AKNAD1: variants seen among roughly 807,000 people sequenced by gnomAD.
The protein encoded by AKNAD1 is AKNA domain containing 1.
A neutral mutation model predicts 90.8 loss-of-function variants in AKNAD1; 67 were observed. That is an observed-to-expected ratio of 0.74 (90% CI 0.61 to 0.90). The LOEUF is 0.90. Ranked by LOEUF, AKNAD1 falls within the 40% of genes least tolerant of loss-of-function variation. The pLI, the probability that AKNAD1 is intolerant of heterozygous loss-of-function variation, is 0.00. For missense variants in AKNAD1, 957 were observed against 975.4 expected (o/e 0.98, Z 0.25); for synonymous variants, 327 against 341.4 (o/e 0.96, Z 0.46).
intron 14 of AKNAD1, among the ~76,000 whole-genome samples, chr1:108,819,937 A>AT (rs1367615085): frequency 4.0e-5 from 6 of 150,614 alleles, no homozygotes; most frequent in African/African-American, 1.5e-4. Flanking sequence ...AAAAAAAAAA[A>AT]AATACCCTAA....
intron 10 of AKNAD1, 79 bp downstream of exon 10, chr1:108,830,480 G>T: frequency 7.3e-7 from 1 of 1,373,268 alleles, no homozygotes; most frequent in Non-Finnish European, 1.0e-6. Flanking sequence ...TCAGTTAGTT[G>T]CCGCCCACTC....
intron 11 of AKNAD1, among the ~76,000 whole-genome samples, chr1:108,826,721 T>TTTTTC (rs1237087861): frequency 2.7e-5 from 4 of 147,984 alleles, no homozygotes; most frequent in Non-Finnish European, 5.9e-5. Context: ...AGTGATTCTT[T>TTTTTC]TTTTCTTTTC....
rs760655164 is a variant in AKNAD1 at position 108,843,160 on chromosome 1, T to G, written c.1353A>C (p.Thr451=). 6.2e-7 allele frequency: 1 copy of G among 1,614,172 alleles called. No homozygotes were observed. Among genetic ancestry groups the G allele is most frequent in the Non-Finnish European group, 8.5e-7 (1 of 1,180,020 alleles). ...TTTCTGGATCAAAGTCACCAACGAT[T>G]GTTGATTCGTGCTTGTGGACTTGCT... ...LQQQVHKHES[T]IVGDFDPERK... The change falls in exon 6 of 16, where the codon ACA becomes ACC. Residue 451 remains threonine, a synonymous_variant. Coordinates refer to ENST00000370001, the MANE Select transcript of AKNAD1 (RefSeq NM_152763.5).
chr1:108,847,212 C>T (rs868382274), intron 5 of AKNAD1, among the ~76,000 whole-genome samples: 6 of 151,952 alleles, frequency 3.9e-5, no homozygotes, highest in East Asian at 1.9e-4. Context: ...TTTGGGAGAC[C>T]GAGGCAGGTG....
At chr1:108,851,150 G>T (rs1344279845) in intron 2 of AKNAD1, among the ~76,000 whole-genome samples, 4 of 152,182 alleles carry the variant, frequency 2.6e-5, no homozygotes, top group Non-Finnish European at 4.4e-5. Flanking sequence ...GGAAGCAGAT[G>T]CTTCTGCTAT....
At position 108,834,552 on chromosome 1, in the gene AKNAD1, G is replaced by A. The variant is rs757060796; in HGVS notation, c.1665-24C>T. 2.6e-6 allele frequency: 4 copies of A among 1,513,658 alleles called. No homozygotes were observed. In the East Asian group the frequency reaches 6.9e-5, roughly 26 times the overall value. The allele number at this position is 1,513,658 out of a possible 1,614,324, so 93.8% of individuals were successfully genotyped here. A position where few individuals can be genotyped will look rare whatever the true frequency, so the allele number is the denominator to read the frequency against. ...AACTAATTTAAAAAAAAAAAAAGCA[G>A]TTTGAATGTTAGAATCAGTTCTTGA... On this transcript the variant is annotated intron_variant, in intron 8 of 15. Transcript: ENST00000370001.
At chr1:108,818,980 A>AAAAAT (rs1413258748) in intron 14 of AKNAD1, among the ~76,000 whole-genome samples, 32 of 151,572 alleles carry the variant, frequency 2.1e-4, no homozygotes, top group African/African-American at 7.3e-4. Flanking sequence ...AAAAAAAAAA[A>AAAAAT]ACCAAGAAGT....
chr1:108,832,472 G>T (rs1454859136), intron 9 of AKNAD1, among the ~76,000 whole-genome samples: 1 of 151,766 alleles, frequency 6.6e-6, no homozygotes, highest in Non-Finnish European at 1.5e-5. Context: ...TGATCCACCC[G>T]CCTTGGCCTA....
chr1:108,832,311 C>T (rs1013794900), intron 9 of AKNAD1, among the ~76,000 whole-genome samples: 3 of 150,970 alleles, frequency 2.0e-5, no homozygotes, highest in African/African-American at 7.3e-5. Flanking sequence ...CACCTCCCTC[C>T]CAATTTCAAG....
At chr1:108,837,294 C>A (rs1218558529) in intron 7 of AKNAD1, 3 of 356,920 alleles carry the variant, frequency 8.4e-6, no homozygotes, top group Non-Finnish European at 1.0e-5. Flanking sequence ...AGAAATAGCT[C>A]TTCGGTGGTT....
intron 8 of AKNAD1, 48 bp downstream of exon 8, chr1:108,834,881 C>A (rs1173072125): frequency 1.1e-5 from 16 of 1,497,328 alleles, no homozygotes; most frequent in Non-Finnish European, 1.4e-5. Context: ...GAGGAAGGGG[C>A]CTCTTTCTGT....
intron 2 of AKNAD1, among the ~76,000 whole-genome samples, chr1:108,850,155 CCA>C (rs1190496657): frequency 6.6e-6 from 1 of 152,168 alleles, no homozygotes; most frequent in Non-Finnish European, 1.5e-5. Flanking sequence ...AGTTTAAATT[CCA>C]GAGTGATTCA....
chr1:108,836,864 T>C (rs1186032925), intron 7 of AKNAD1: 1 of 152,218 alleles, frequency 6.6e-6, no homozygotes, highest in Non-Finnish European at 1.5e-5. Context: ...CTTGCATAAG[T>C]AGAAATCCAA....
intron 7 of AKNAD1, among the ~76,000 whole-genome samples, chr1:108,835,519 G>A (rs576630959): frequency 6.6e-6 from 1 of 152,282 alleles, no homozygotes; most frequent in African/African-American, 2.4e-5. Context: ...ACTAATAAGT[G>A]ACAGAGCCAG....
In AKNAD1 at chr1:108,815,999, T is replaced by C; in HGVS notation, c.*172A>G. 2.0e-6 allele frequency: 1 copy of C among 500,956 alleles called. No homozygotes were observed. Among genetic ancestry groups the C allele is most frequent in the Non-Finnish European group, 3.2e-6 (1 of 317,350 alleles). The allele number at this position is 500,956 out of a possible 1,614,324, so 31.0% of individuals were successfully genotyped here. A position where few individuals can be genotyped will look rare whatever the true frequency, so the allele number is the denominator to read the frequency against. On this transcript the variant is annotated 3_prime_UTR_variant, in exon 16 of 16. Transcript: ENST00000370001. ...TTTTGATTTTAAGAATCAGAAGTCCTTTCTTTTTTCTTTTTCCTTTAAGTA... is the reference window on the plus strand; with the variant it reads ...TTTTGATTTTAAGAATCAGAAGTCCCTTCTTTTTTCTTTTTCCTTTAAGTA...
At chr1:108,832,872 G>A (rs1055491407) in intron 9 of AKNAD1, among the ~76,000 whole-genome samples, 7 of 152,098 alleles carry the variant, frequency 4.6e-5, no homozygotes, top group Admixed American at 6.5e-5. Context: ...ACATTCCCAC[G>A]CACTGCCCTC....
intron 5 of AKNAD1, among the ~76,000 whole-genome samples, chr1:108,845,764 T>C (rs965110693): frequency 3.3e-5 from 5 of 152,106 alleles, no homozygotes; most frequent in Admixed American, 6.6e-5. Flanking sequence ...AAGATATTGA[T>C]GTTGGACAAG....
At chr1:108,820,241 A>G (rs1663769107) in intron 14 of AKNAD1, among the ~76,000 whole-genome samples, 1 of 152,190 alleles carries the variant, frequency 6.6e-6, no homozygotes, top group South Asian at 2.1e-4. Flanking sequence ...GATCAATGGG[A>G]CTTTGTACGT....
Position 108,852,014 on chromosome 1 carries a change from T to A in AKNAD1, c.651A>T (p.Lys217Asn). 2 of 1,614,020 alleles carry A rather than the reference T, an allele frequency of 1.2e-6. No individual in the cohort carries two copies. Among genetic ancestry groups the A allele is most frequent in the Non-Finnish European group, 1.7e-6 (2 of 1,180,008 alleles). Residue 217 changes from lysine to asparagine, a missense_variant, in exon 2 of 16, where the codon AAA becomes AAT. Physicochemically the swap from Lys to Asn is moderately conservative, Grantham distance 94. Coordinates refer to ENST00000370001, the MANE Select transcript of AKNAD1 (RefSeq NM_152763.5). ...SHQENVNVLT[K>N]TKGPGDKQKS... is the part of the protein sequence containing the mutation. ...TTTGTTTATCACCTGGACCCTTGGT[T>A]TTAGTTAGAACATTCACATTTTCTT...
Sources: allele counts gnomAD v4.1 joint callset (sites outside exome capture counted in the v4.1 genomes callset), GRCh38; gene constraint gnomAD v4.1.1; transcripts MANE v1.5; gene names NCBI Gene and HGNC (gene_info 2026-07-23, HGNC 2026-07-21).